The following PRMT7 variants were observed in gnomAD, a reference collection of about 807,000 sequenced individuals.
The protein encoded by PRMT7 is protein arginine methyltransferase 7, also known as protein arginine N-methyltransferase 7.
Under a neutral mutation model 85.4 loss-of-function variants are expected in PRMT7, and 75 were observed. That is an observed-to-expected ratio of 0.88 (90% CI 0.73 to 1.06). The LOEUF (loss-of-function observed/expected upper bound fraction) is 1.06. PRMT7 is among the 50% of genes least tolerant of loss of function. The probability of loss-of-function intolerance (pLI) is 0.00; values close to 1 mark genes in which losing one functional copy is unlikely to be tolerated. For missense variants in PRMT7, 868 were observed against 915.2 expected (o/e 0.95, Z 0.67); for synonymous variants, 397 against 359.5 (o/e 1.10, Z -1.18).
chr16:68,342,009 G>T (rs1423921059), intron 9 of PRMT7, among the ~76,000 whole-genome samples: 1 of 152,182 alleles, frequency 6.6e-6, no homozygotes. Context: ...TGGGTGTGGT[G>T]GCTCACGCCT....
At chr16:68,349,606 T>C (rs527718531) in intron 14 of PRMT7, among the ~76,000 whole-genome samples, 1 of 152,278 alleles carries the variant, frequency 6.6e-6, no homozygotes, top group Admixed American at 6.5e-5. Context: ...ATTTAGAACA[T>C]TTCCAGGCCC....
chr16:68,319,705 A>AGT (rs1567638319), intron 3 of PRMT7, among the ~76,000 whole-genome samples: 1 of 50,766 alleles, frequency 2.0e-5, no homozygotes, highest in South Asian at 5.5e-4. Flanking sequence ...TCTCAATAAG[A>AGT]GTGAGAGTGT....
intron 13 of PRMT7, 39 bp downstream of exon 13, chr16:68,347,717 C>T (rs1298313395): frequency 1.1e-5 from 17 of 1,595,630 alleles, no homozygotes; most frequent in South Asian, 2.2e-5. Context: ...GTGAGAGGAC[C>T]TGTGGGGTCT....
rs141757899 is a variant in PRMT7, at chr16:68,348,362, G to C, written c.1344G>C (p.Leu448Phe). The change falls in exon 14 of 19, where the codon TTG becomes TTC. Residue 448 changes from leucine (L) to phenylalanine (F), a missense_variant. Physicochemically the swap from Leu to Phe is conservative, Grantham distance 22. Coordinates refer to ENST00000441236, the MANE Select transcript of PRMT7 (RefSeq NM_019023.5). ...LLRKIFKANH[L>F]EDKINIIEKR... ...CTAAGATCTTCAAGGCTAACCACTTGGAAGATAAAATTAACATCATAGAGA... is the reference window on the plus strand; with the variant it reads ...CTAAGATCTTCAAGGCTAACCACTTCGAAGATAAAATTAACATCATAGAGA... The C allele has an allele frequency of 1.9e-6, 3 of 1,607,698 alleles. No homozygotes were observed. In the African/African-American group the frequency reaches 4.0e-5, roughly 22 times the overall value.
At chr16:68,329,378 C>G (rs1263170167) in intron 6 of PRMT7, 9 of 423,818 alleles carry the variant, frequency 2.1e-5, no homozygotes, top group Non-Finnish European at 3.9e-5. Flanking sequence ...TAGACTAGAG[C>G]TAGTCAGGTC....
In PRMT7 at chr16:68,346,272, C is replaced by G; in HGVS notation, c.1183C>G (p.Leu395Val). The G allele has an allele frequency of 1.9e-6, 3 of 1,614,230 alleles. No homozygotes were observed. The highest frequency in any genetic ancestry group is 2.5e-6 in the Non-Finnish European group (3 of 1,180,050). ...CAGAACTGATCGATACGTCCAGGCT[C>G]TGAGGACCGTAAGTGTCCAGCCCCT... ...QDRTDRYVQA[L>V]RTVLKPDSVC... Residue 395 changes from leucine to valine, a missense_variant, in exon 11 of 19, where the codon CTG becomes GTG. Transcript: ENST00000441236.
At chr16:68,315,772 T>G (rs1011391107) in intron 2 of PRMT7, 125 bp from the exon 3 acceptor site, 9 of 569,352 alleles carry the variant, frequency 1.6e-5, no homozygotes, top group Non-Finnish European at 2.2e-5. Context: ...TTTGTCAGTT[T>G]CTTGATTTTT....
chr16:68,348,305 A>T (rs776596922), intron 13 of PRMT7, 37 bp from the exon 14 acceptor site: 4 of 1,474,460 alleles, frequency 2.7e-6, no homozygotes, highest in Non-Finnish European at 3.8e-6. Flanking sequence ...ACAATACTTT[A>T]GTATGAATAC....
intron 6 of PRMT7, among the ~76,000 whole-genome samples, chr16:68,334,277 C>T (rs2084341155): frequency 6.6e-6 from 1 of 152,182 alleles, no homozygotes; most frequent in African/African-American, 2.4e-5. Flanking sequence ...AGTAGATTGT[C>T]AGTTGTGCTT....
intron 6 of PRMT7, among the ~76,000 whole-genome samples, chr16:68,334,182 C>A (rs1471840176): frequency 6.6e-6 from 1 of 152,206 alleles, no homozygotes; most frequent in African/African-American, 2.4e-5. Flanking sequence ...TGAGGTCATG[C>A]ACTGCGTGGG....
At chr16:68,336,772 G>A (rs1025372430) in intron 6 of PRMT7, among the ~76,000 whole-genome samples, 16 of 151,906 alleles carry the variant, frequency 1.1e-4, no homozygotes, top group African/African-American at 1.7e-4. Context: ...ACTCTGTCGC[G>A]CAGGCTGGAT....
intron 4 of PRMT7, among the ~76,000 whole-genome samples, chr16:68,322,220 AT>A (rs928839438): frequency 5.3e-5 from 8 of 151,880 alleles, no homozygotes; most frequent in African/African-American, 1.9e-4. Flanking sequence ...TTTTAATTTT[AT>A]TTTTTTGAGA....
chr16:68,334,115 TA>T (rs1325492552), intron 6 of PRMT7, among the ~76,000 whole-genome samples: 14 of 152,210 alleles, frequency 9.2e-5, no homozygotes, highest in African/African-American at 3.4e-4. Context: ...CTGCAATCAT[TA>T]AATCATTATG....
intron 6 of PRMT7, among the ~76,000 whole-genome samples, chr16:68,334,024 G>A (rs1031757301): frequency 2.0e-5 from 3 of 152,148 alleles, no homozygotes; most frequent in Non-Finnish European, 4.4e-5. Context: ...GCCTGCCTTG[G>A]CCTCCCAAAA....
intron 17 of PRMT7, 45 bp downstream of exon 17, chr16:68,355,928 C>T (rs558623473): frequency 1.5e-5 from 23 of 1,496,948 alleles, no homozygotes; most frequent in Admixed American, 4.1e-5. Context: ...CTGCTGCTTG[C>T]CCTTGGAGTT....
chr16:68,318,263 G>A (rs547149236), intron 3 of PRMT7, among the ~76,000 whole-genome samples: 2 of 148,828 alleles, frequency 1.3e-5, no homozygotes, highest in South Asian at 2.1e-4. Flanking sequence ...GCAGTGGCAC[G>A]ATCTCTGCTC....
intron 12 of PRMT7, 147 bp from the exon 13 acceptor site, chr16:68,347,484 G>A: frequency 4.8e-6 from 5 of 1,037,004 alleles, no homozygotes; most frequent in Non-Finnish European, 7.2e-6. Context: ...CAGAGCTGGT[G>A]TTCAGGCTGC....
chr16:68,337,261 A>C (rs1263094293), intron 6 of PRMT7, among the ~76,000 whole-genome samples, 198 bp from the exon 7 acceptor site: 1 of 152,112 alleles, frequency 6.6e-6, no homozygotes, highest in Non-Finnish European at 1.5e-5. Flanking sequence ...GTTTTGTCAT[A>C]CATTTACATA....
At chr16:68,347,154 AG>A (rs1407100489) in intron 11 of PRMT7, 56 bp from the exon 12 acceptor site, 2 of 1,490,948 alleles carry the variant, frequency 1.3e-6, no homozygotes, top group African/African-American at 2.8e-5. Context: ...GCTTGCCAGC[AG>A]GAATCTTCTG....
Sources: allele counts gnomAD v4.1 joint callset (sites outside exome capture counted in the v4.1 genomes callset), GRCh38; gene constraint gnomAD v4.1.1; transcripts MANE v1.5; gene names NCBI Gene and HGNC (gene_info 2026-07-23, HGNC 2026-07-21).